Variants in CDH23 observed in about 807,000 individuals in gnomAD.
CDH23 encodes the protein cadherin-23.
A neutral mutation model predicts 317.1 loss-of-function variants in CDH23; 189 were observed. The ratio of observed to expected loss-of-function variants is 0.60; its 90% CI spans 0.53 to 0.67. CDH23 has a LOEUF of 0.67. Among genes scored for constraint, CDH23 ranks in the 30% least tolerant of loss-of-function variants. The pLI is 0.00. For synonymous variants in CDH23, 1,839 were observed against 1,876.8 expected (o/e 0.98, Z 0.52); for missense variants, 4,401 against 4,592.4 (o/e 0.96, Z 1.20).
chr10:71,416,678 T>C (rs1205720023), intron 1 of CDH23, among the ~76,000 whole-genome samples: 1 of 152,166 alleles, frequency 6.6e-6, no homozygotes, highest in African/African-American at 2.4e-5. Flanking sequence ...TTGCTTTTTA[T>C]TTTTAGAGAC....
chr10:71,486,955 C>T (rs1427561223), intron 3 of CDH23, among the ~76,000 whole-genome samples: 1 of 152,160 alleles, frequency 6.6e-6, no homozygotes, highest in Non-Finnish European at 1.5e-5. Flanking sequence ...GGTACCTTCC[C>T]ACCAATCACT....
chr10:71,797,406 T>C (rs1296635216), intron 49 of CDH23, among the ~76,000 whole-genome samples, 186 bp downstream of exon 49: 6 of 151,364 alleles, frequency 4.0e-5, no homozygotes, highest in Non-Finnish European at 7.4e-5. Context: ...AGGGTGGTGA[T>C]GGCTACATAG....
intron 3 of CDH23, among the ~76,000 whole-genome samples, chr10:71,448,928 G>T (rs1013171229): frequency 6.6e-6 from 1 of 152,178 alleles, no homozygotes; most frequent in Non-Finnish European, 1.5e-5. Context: ...CAGGGGACTG[G>T]CCTTTTTCCT....
intron 9 of CDH23, among the ~76,000 whole-genome samples, chr10:71,585,895 A>C (rs1234948116): frequency 6.6e-6 from 1 of 152,128 alleles, no homozygotes; most frequent in African/African-American, 2.4e-5. Context: ...CTTCCCATAA[A>C]TAACACTGGT....
chr10:71,565,412 G>C (rs768427731), intron 6 of CDH23, among the ~76,000 whole-genome samples: 2 of 152,118 alleles, frequency 1.3e-5, no homozygotes, highest in Non-Finnish European at 2.9e-5. Flanking sequence ...CCTGCTCTGG[G>C]AGCTCCTACC....
intron 3 of CDH23, among the ~76,000 whole-genome samples, chr10:71,504,232 A>T (rs1853506967): frequency 6.6e-6 from 1 of 152,208 alleles, no homozygotes; most frequent in East Asian, 1.9e-4. Flanking sequence ...GACCCCTGGC[A>T]CTCACCATTC....
chr10:71,445,463 A>G (rs1190277063), intron 2 of CDH23, among the ~76,000 whole-genome samples: 1 of 152,230 alleles, frequency 6.6e-6, no homozygotes, highest in Non-Finnish European at 1.5e-5. Flanking sequence ...TGCAGAGCTC[A>G]TATTCTGCTA....
chr10:71,655,747 T>C (rs1811249141), intron 14 of CDH23, among the ~76,000 whole-genome samples: 1 of 151,856 alleles, frequency 6.6e-6, no homozygotes, highest in Non-Finnish European at 1.5e-5. Context: ...TCTAGGACAG[T>C]TGCTGGAGGA....
intron 41 of CDH23, among the ~76,000 whole-genome samples, chr10:71,781,671 G>A (rs934368889): frequency 3.9e-5 from 6 of 152,244 alleles, no homozygotes; most frequent in Admixed American, 2.6e-4. Context: ...TTGGGGCCTT[G>A]TGGGGGAGTC....
rs2132989749 is a variant in CDH23, at chr10:71,807,724, C to T, written c.8517C>T (p.Ile2839=). The change falls in exon 59 of 70, where the codon ATC becomes ATT. Residue 2839 remains isoleucine, a synonymous_variant. Transcript: ENST00000224721. ...AGGTGCGCGTTGTGCTAGAGGACAT[C>T]AACGACCAGCCACCACGCTTCACCA... ...LQEVRVVLED[I]NDQPPRFTKA... 6.2e-7 allele frequency: 1 copy of T among 1,609,912 alleles called. No homozygotes were observed. The highest frequency in any genetic ancestry group is 8.5e-7 in the Non-Finnish European group (1 of 1,178,056).
chr10:71,766,722 TGAG>T (rs1272812201), intron 38 of CDH23, among the ~76,000 whole-genome samples: 2 of 152,076 alleles, frequency 1.3e-5, no homozygotes, highest in African/African-American at 4.8e-5. Flanking sequence ...ATTTTAAAGA[TGAG>T]GAAACAGACT....
At chr10:71,407,749 G>C (rs1209693126) in intron 1 of CDH23, among the ~76,000 whole-genome samples, 1 of 152,186 alleles carries the variant, frequency 6.6e-6, no homozygotes, top group Non-Finnish European at 1.5e-5. Context: ...GTTGCTGTAT[G>C]GGTGGTAATC....
At chr10:71,455,875 G>C (rs1850670278) in intron 3 of CDH23, among the ~76,000 whole-genome samples, 1 of 152,192 alleles carries the variant, frequency 6.6e-6, no homozygotes, top group Admixed American at 6.5e-5. Flanking sequence ...TGGAGAAACT[G>C]AGGTGGAGAA....
chr10:71,507,351 G>C (rs1853699593), intron 3 of CDH23, among the ~76,000 whole-genome samples: 1 of 152,222 alleles, frequency 6.6e-6, no homozygotes, highest in Non-Finnish European at 1.5e-5. Context: ...GGGGAGGCTA[G>C]AAATTCATTT....
chr10:71,513,953 T>C (rs1049423658), intron 6 of CDH23, among the ~76,000 whole-genome samples: 1 of 152,084 alleles, frequency 6.6e-6, no homozygotes, highest in Non-Finnish European at 1.5e-5. Flanking sequence ...GTCTGTTGTG[T>C]GCAGAACCCA....
chr10:71,814,612 T>C (rs1207413005), intron 69 of CDH23, among the ~76,000 whole-genome samples: 1 of 151,762 alleles, frequency 6.6e-6, no homozygotes, highest in African/African-American at 2.4e-5. Context: ...TGAGCCAAAA[T>C]CGCGCCACTG....
At chr10:71,691,870 C>T (rs1865198541) in intron 20 of CDH23, among the ~76,000 whole-genome samples, 2 of 152,286 alleles carry the variant, frequency 1.3e-5, no homozygotes, top group Non-Finnish European at 2.9e-5. Context: ...TTCCTGGAGG[C>T]TTGGGGAGCA....
intron 8 of CDH23, among the ~76,000 whole-genome samples, chr10:71,575,572 C>T (rs918356948): frequency 6.6e-6 from 1 of 152,184 alleles, no homozygotes; most frequent in African/African-American, 2.4e-5. Context: ...ACTGTAGCCT[C>T]TCTCTCGGAG....
chr10:71,498,956 C>G (rs768134723), intron 3 of CDH23, among the ~76,000 whole-genome samples: 1 of 152,156 alleles, frequency 6.6e-6, no homozygotes. Flanking sequence ...TAGCTGCCTC[C>G]CATGCTTATT....
Sources: gnomAD v4.1 joint callset for allele counts (sites outside exome capture counted in the v4.1 genomes callset) on GRCh38, gnomAD v4.1.1 for gene constraint, MANE v1.5 for transcripts, NCBI Gene and HGNC (gene_info 2026-07-23, HGNC 2026-07-21) for gene names.